PCDH7: variants seen among roughly 807,000 people sequenced by gnomAD.
PCDH7 encodes the protein protocadherin 7.
PCDH7 carries 17 observed loss-of-function variants against 58.9 expected under a neutral mutation model. That is an observed-to-expected ratio of 0.29 (90% CI 0.20 to 0.43). The LOEUF is 0.43. PCDH7 is among the 20% of genes least tolerant of loss of function. The probability of loss-of-function intolerance (pLI) is 1.00; values close to 1 mark genes in which losing one functional copy is unlikely to be tolerated. For missense variants in PCDH7, 1,274 were observed against 1,441.0 expected (o/e 0.88, Z 1.88); for synonymous variants, 664 against 616.4 (o/e 1.08, Z -1.14).
chr4:31,056,415 GGAAAGAAGGAAAGAAAAAGAAA>G, intron 3 of PCDH7, among the ~76,000 whole-genome samples: 1 of 78,498 alleles, frequency 1.3e-5, no homozygotes, highest in African/African-American at 6.0e-5. Flanking sequence ...AAAGAAAGAA[GGAAAGAAGGAAAGAAAAAGAAA>G]GAAGGAAAGA....
chr4:30,963,923 C>T (rs1748726877), intron 3 of PCDH7, among the ~76,000 whole-genome samples: 3 of 152,158 alleles, frequency 2.0e-5, no homozygotes, highest in South Asian at 2.1e-4. Flanking sequence ...ATGAACCATT[C>T]CGGGACAATT....
intron 2 of PCDH7, among the ~76,000 whole-genome samples, chr4:30,929,986 G>A (rs942046508): frequency 6.6e-6 from 1 of 152,160 alleles, no homozygotes; most frequent in African/African-American, 2.4e-5. Flanking sequence ...ACCATTTGTT[G>A]AGTATTTATT....
At chr4:30,768,808 A>C (rs889884929) in intron 1 of PCDH7, among the ~76,000 whole-genome samples, 1 of 152,194 alleles carries the variant, frequency 6.6e-6, no homozygotes, top group Admixed American at 6.5e-5. Flanking sequence ...GTTCAGCTAC[A>C]CAAAAAGTAA....
intron 3 of PCDH7, among the ~76,000 whole-genome samples, chr4:31,063,154 A>C (rs1164820383): frequency 6.6e-6 from 1 of 151,822 alleles, no homozygotes; most frequent in Non-Finnish European, 1.5e-5. Flanking sequence ...CTCCAGATAG[A>C]TCTATTATTA....
chr4:30,721,558 G>T lies in PCDH7; in HGVS notation c.136G>T (p.Val46Phe), dbSNP rs755128587. 1.2e-6 allele frequency: 2 copies of T among 1,605,052 alleles called. No homozygotes were observed. The highest frequency in any genetic ancestry group is 1.7e-6 in the Non-Finnish European group (2 of 1,179,834). The change falls in exon 1 of 2, where the codon GTC becomes TTC. Residue 46 changes from valine (V) to phenylalanine (F), a missense_variant. Coordinates refer to ENST00000361762, the Ensembl canonical transcript of PCDH7. The surrounding 1 kb of genome is among the most constrained non-coding windows in gnomAD (Gnocchi z 6.7). The stretch of plus-strand genomic sequence containing the variant: ...GCTGGCCGAGGAGGGCCCCGCCGAC[G>T]TCCGCATCGGCAACGTGGCTTCAGA...
intron 3 of PCDH7, among the ~76,000 whole-genome samples, chr4:30,961,664 G>T (rs1748449620): frequency 1.3e-5 from 2 of 152,094 alleles, no homozygotes; most frequent in South Asian, 4.1e-4. Flanking sequence ...CTGACTTCTT[G>T]TTTTTATTAT....
chr4:30,942,897 GT>G (rs11307013), intron 2 of PCDH7, among the ~76,000 whole-genome samples: 87,294 of 143,458 alleles, frequency 0.61, 26,113 homozygotes, highest in African/African-American at 0.66. Context: ...TTGAGTAAGT[GT>G]TTTTTTTTTT....
chr4:31,136,124 G>T (rs1331847712), intron 3 of PCDH7, among the ~76,000 whole-genome samples: 1 of 152,158 alleles, frequency 6.6e-6, no homozygotes, highest in South Asian at 2.1e-4. Context: ...TGGCTACTGA[G>T]CCTGTTCTCT....
At chr4:30,855,728 A>G (rs1027478228) in intron 1 of PCDH7, among the ~76,000 whole-genome samples, 4 of 152,148 alleles carry the variant, frequency 2.6e-5, no homozygotes, top group African/African-American at 9.7e-5. Context: ...GCACAGGAAT[A>G]GGGCAATTCT....
At chr4:31,101,082 T>C (rs1022873053) in intron 3 of PCDH7, among the ~76,000 whole-genome samples, 1 of 152,210 alleles carries the variant, frequency 6.6e-6, no homozygotes, top group African/African-American at 2.4e-5. Flanking sequence ...GCTTCTCTGT[T>C]GATTATTACC....
intron 3 of PCDH7, among the ~76,000 whole-genome samples, chr4:31,088,745 T>C (rs1347817104): frequency 6.6e-6 from 1 of 152,082 alleles, no homozygotes; most frequent in Non-Finnish European, 1.5e-5. Flanking sequence ...ATCTGCTCTC[T>C]TAGAATTTCT....
chr4:30,801,645 A>T (rs927362961), intron 1 of PCDH7, among the ~76,000 whole-genome samples: 5 of 152,218 alleles, frequency 3.3e-5, no homozygotes, highest in Non-Finnish European at 5.9e-5. Flanking sequence ...AAGAAATAGA[A>T]CTCAAGTTTA....
At position 31,088,217 on chromosome 4, in the gene PCDH7, G is replaced by A. The variant is rs551872549; in HGVS notation, c.*8-54256G>A. On this transcript the variant is annotated intron_variant, in intron 3 of 3. Coordinates refer to the PCDH7 transcript ENST00000509759. ...TATTTGTCTCACATGTTTACACAGA[G>A]CATCCATTGGGGACATTGTTATTAT... Among the ~76,000 whole-genome samples, 3 of 152,120 alleles carry A rather than the reference G, an allele frequency of 2.0e-5. No individual in the cohort carries two copies. In the East Asian group the frequency reaches 5.8e-4, roughly 29 times the overall value.
chr4:30,721,521 C>A lies in PCDH7; in HGVS notation c.99C>A (p.Leu33=), dbSNP rs769329344. 6.2e-7 allele frequency: 1 copy of A among 1,601,544 alleles called. No homozygotes were observed. Among genetic ancestry groups the A allele is most frequent in the South Asian group, 1.1e-5 (1 of 90,956 alleles). The stretch of plus-strand genomic sequence containing the variant: ...TCAGCCTGGCGGCCGCCAAGCAGCT[C>A]CTCCGGTACCGGCTGGCCGAGGAGG... Residue 33 remains leucine, a synonymous_variant, in exon 1 of 2, where the codon CTC becomes CTA. Transcript: ENST00000361762. This position sits in a 1 kb window ranked among gnomAD's most constrained non-coding sequence, Gnocchi z 6.7.
At chr4:30,825,265 A>G (rs999729815) in intron 1 of PCDH7, among the ~76,000 whole-genome samples, 7 of 152,194 alleles carry the variant, frequency 4.6e-5, no homozygotes, top group African/African-American at 2.4e-5. Flanking sequence ...TTCAGTGTTA[A>G]CTTTGAAAAT....
intron 1 of PCDH7, among the ~76,000 whole-genome samples, chr4:30,913,586 G>A (rs185051258): frequency 4.6e-5 from 7 of 152,200 alleles, no homozygotes; most frequent in Admixed American, 2.0e-4. Context: ...TACATTTAGG[G>A]TGACTGTTAG....
intron 3 of PCDH7, among the ~76,000 whole-genome samples, chr4:31,126,578 C>T (rs952315482): frequency 6.6e-6 from 1 of 152,160 alleles, no homozygotes; most frequent in Non-Finnish European, 1.5e-5. Context: ...TCCATTTCTT[C>T]TTATTTCTTC....
At chr4:30,750,146 A>G (rs1413898021) in intron 1 of PCDH7, among the ~76,000 whole-genome samples, 1 of 152,188 alleles carries the variant, frequency 6.6e-6, no homozygotes, top group African/African-American at 2.4e-5. Flanking sequence ...TTTCTGATCT[A>G]TAATGAGTAG....
intron 1 of PCDH7, among the ~76,000 whole-genome samples, chr4:30,854,497 T>C (rs947298508): frequency 8.6e-5 from 13 of 151,840 alleles, no homozygotes; most frequent in African/African-American, 3.1e-4. Flanking sequence ...ATATTTCAAC[T>C]TAAATATATG....
Sources: gnomAD v4.1 joint callset for allele counts (sites outside exome capture counted in the v4.1 genomes callset) on GRCh38, gnomAD v4.1.1 for gene constraint, Gnocchi (gnomAD v3.1) non-coding constraint, MANE v1.5 for transcripts, NCBI Gene and HGNC (gene_info 2026-07-23, HGNC 2026-07-21) for gene names.